The following MKS1 variants were observed in gnomAD, a reference collection of about 807,000 sequenced individuals.
The protein encoded by MKS1 is MKS transition zone complex subunit 1, also known as tectonic-like complex member MKS1.
Under a neutral mutation model 83.7 loss-of-function variants are expected in MKS1, and 70 were observed. The observed-to-expected ratio is 0.84, with a 90% CI of 0.69 to 1.02. The LOEUF (loss-of-function observed/expected upper bound fraction) is 1.02, where lower values mean the gene tolerates loss of function less well. Ranked by LOEUF, MKS1 falls within the 50% of genes least tolerant of loss-of-function variation. The probability of loss-of-function intolerance (pLI) is 0.00; values close to 1 mark genes in which losing one functional copy is unlikely to be tolerated. For synonymous variants in MKS1, 251 were observed against 273.4 expected (o/e 0.92, Z 0.81); for missense variants, 681 against 726.9 (o/e 0.94, Z 0.73).
chr17:58,214,534 T>G, intron 5 of MKS1, 147 bp from the exon 6 acceptor site: 1 of 1,366,466 alleles, frequency 7.3e-7, no homozygotes. Flanking sequence ...CAAACAGAAA[T>G]GACATCCCTT....
chr17:58,205,484 CAAACAAAA>C lies in MKS1; in HGVS notation c.*587_*594del. 1 of 1,253,238 alleles carries C rather than the reference CAAACAAAA, an allele frequency of 8.0e-7. No individual in the cohort carries two copies. The highest frequency in any genetic ancestry group is 1.0e-6 in the Non-Finnish European group (1 of 969,674). 77.6% of individuals were successfully genotyped at this position (1,253,238 alleles called of 1,614,324 possible). A position where few individuals can be genotyped will look rare whatever the true frequency, so the allele number is the denominator to read the frequency against. On this transcript the variant is annotated 3_prime_UTR_variant, in exon 18 of 18. Coordinates refer to ENST00000393119, the MANE Select transcript of MKS1 (RefSeq NM_017777.4). ...ATGTAACAAAAAACAAAAAAACAAA[CAAACAAAA>C]AAACACAGTAAAAGATACCACCCAG...
rs145415906 is a variant in MKS1, at chr17:58,209,124, T to C, written c.1025-541A>G. On this transcript the variant is annotated intron_variant, in intron 11 of 17. Coordinates refer to ENST00000393119, the MANE Select transcript of MKS1 (RefSeq NM_017777.4). The surrounding 1 kb of genome is among the most constrained non-coding windows in gnomAD (Gnocchi z 4.1). ...TTCTTTTCCCCACATTTCCCCCTTT[T>C]CTTTTTGACAAAACCGCCATCGTCA... 7.2e-3 allele frequency among the ~76,000 whole-genome samples: 1,101 copies of C among 152,278 alleles called. 10 individuals carry two copies. Among genetic ancestry groups the C allele is most frequent in the African/African-American group, 0.025 (1,055 of 41,530 alleles).
Position 58,206,000 on chromosome 17 carries a change from A to G in MKS1, c.*79T>C, listed in dbSNP as rs1968477001. 4.5e-6 allele frequency: 7 copies of G among 1,547,684 alleles called. No homozygotes were observed. The highest frequency in any genetic ancestry group is 3.6e-5 in the South Asian group (3 of 84,356). ...AGACCAACGTGGTCTCTAATCAGAA[A>G]GACGAAGAGGCAGGAGAGCACTGGC... is the stretch of plus-strand genomic sequence containing the variant. On this transcript the variant is annotated 3_prime_UTR_variant, in exon 18 of 18. Coordinates refer to ENST00000393119, the MANE Select transcript of MKS1 (RefSeq NM_017777.4).
rs777988877 is a variant in MKS1 at position 58,206,181 on chromosome 17, A to G, written c.1589-11T>C. 3.7e-6 allele frequency: 6 copies of G among 1,613,954 alleles called. No individual in the cohort carries two copies. The African/African-American group carries it at 8.0e-5, about 22-fold the overall frequency. ...CTCGACGGAAGGCCTCTGTAAGGAAAGGAGATATGCTATTTGGCTGCCATA... is the reference window on the plus strand; with the variant it reads ...CTCGACGGAAGGCCTCTGTAAGGAAGGGAGATATGCTATTTGGCTGCCATA... On this transcript the variant is annotated splice_polypyrimidine_tract_variant and intron_variant, in intron 17 of 17. Coordinates refer to ENST00000393119, the MANE Select transcript of MKS1 (RefSeq NM_017777.4).
At chr17:58,213,193 C>G in intron 7 of MKS1, 103 bp from the exon 8 acceptor site, 1 of 1,116,484 alleles carries the variant, frequency 9.0e-7, no homozygotes, top group Non-Finnish European at 1.4e-6. Flanking sequence ...ATACACCTCA[C>G]TAAAGTATAT....
At chr17:58,213,934 G>A in intron 6 of MKS1, 65 bp from the exon 7 acceptor site, 1 of 1,349,164 alleles carries the variant, frequency 7.4e-7, no homozygotes, top group Non-Finnish European at 1.1e-6. Context: ...AAGAGATACT[G>A]AGCCCACTGC....
At chr17:58,213,233 G>C in intron 7 of MKS1, 143 bp from the exon 8 acceptor site, 1 of 800,612 alleles carries the variant, frequency 1.2e-6, no homozygotes, top group South Asian at 1.4e-5. Context: ...TTGACGACCA[G>C]GAGAGAGAAA....
intron 1 of MKS1, chr17:58,218,944 C>T: frequency 1.1e-6 from 1 of 873,666 alleles, no homozygotes; most frequent in South Asian, 1.6e-5. Flanking sequence ...CTGGGAGCAA[C>T]AAAGACGTGA....
chr17:58,212,265 T>C, intron 9 of MKS1, 113 bp downstream of exon 9: 2 of 1,268,924 alleles, frequency 1.6e-6, no homozygotes, highest in South Asian at 2.4e-5. Context: ...GACTTCCTTT[T>C]CACACTGTAG....
rs775169308 is a variant in MKS1 at position 58,207,991 on chromosome 17, C to T, written c.1176G>A (p.Pro392=). The T allele has an allele frequency of 4.1e-5, 66 of 1,613,474 alleles. No homozygotes were observed. In the East Asian group the frequency reaches 5.6e-4, roughly 14 times the overall value. The change falls in exon 14 of 18, where the codon CCG becomes CCA. Residue 392 remains proline, a synonymous_variant. Coordinates refer to ENST00000393119, the MANE Select transcript of MKS1 (RefSeq NM_017777.4). ...LHEDESSDAL[P]EWPVLYCEVL... ...CCTCACAGTAGAGCACAGGCCACTC[C>T]GGGAGTGCATCTGGGAGCAAGGAGA... is the stretch of plus-strand genomic sequence containing the variant.
At chr17:58,217,163 A>G (rs1314439040) in intron 2 of MKS1, among the ~76,000 whole-genome samples, 1 of 152,156 alleles carries the variant, frequency 6.6e-6, no homozygotes, top group African/African-American at 2.4e-5. Flanking sequence ...TAATTTTTGT[A>G]TTATCAGTAG....
chr17:58,210,989 C>T lies in MKS1; in HGVS notation c.949G>A (p.Gly317Arg). ...VPGALRLFVN[G>R]EVVSAQGYEY... ...CTAGCAAGACACTTACCGACCTCTC[C>T]ATTTACAAAGAGCCGGAGGGCACCT... The change falls in exon 10 of 18, where the codon GGA becomes AGA. Residue 317 changes from glycine (G) to arginine (R), a missense_variant. Gly to Arg is a moderately radical substitution (Grantham distance 125). Around this residue, in one of 3 missense-constraint regions of MKS1, gnomAD observed 310 missense variants for 321.7 expected, o/e 0.96. Coordinates refer to ENST00000393119, the MANE Select transcript of MKS1 (RefSeq NM_017777.4). 6.2e-7 allele frequency: 1 copy of T among 1,614,086 alleles called. No individual in the cohort carries two copies. The highest frequency in any genetic ancestry group is 8.5e-7 in the Non-Finnish European group (1 of 1,179,978).
rs2143731499 is a variant in MKS1 at position 58,205,897 on chromosome 17, A to T, written c.*182T>A. 6.9e-7 allele frequency: 1 copy of T among 1,449,148 alleles called. No homozygotes were observed. Among genetic ancestry groups the T allele is most frequent in the East Asian group, 2.5e-5 (1 of 40,268 alleles). 89.8% of individuals were successfully genotyped at this position (1,449,148 alleles called of 1,614,324 possible). A position where few individuals can be genotyped will look rare whatever the true frequency, so the allele number is the denominator to read the frequency against. On this transcript the variant is annotated 3_prime_UTR_variant, in exon 18 of 18. Transcript: ENST00000393119. ...CCACAGGGTCTCTGGCTTTATTTCCACAGGGTAGGGAGAAGACCCTGCAGA... is the reference window on the plus strand; with the variant it reads ...CCACAGGGTCTCTGGCTTTATTTCCTCAGGGTAGGGAGAAGACCCTGCAGA...
chr17:58,214,836 G>C lies in MKS1; in HGVS notation c.420C>G (p.His140Gln). 1 of 1,601,400 alleles carries C rather than the reference G, an allele frequency of 6.2e-7. No homozygotes were observed. Among genetic ancestry groups the C allele is most frequent in the Non-Finnish European group, 8.5e-7 (1 of 1,178,842 alleles). ...DSDRYTNLEEHCQRMTTAASE... is the reference protein window; with the variant it reads ...DSDRYTNLEEQCQRMTTAASE... The stretch of plus-strand genomic sequence containing the variant: ...TGGCTGCAGTGGTCATTCTCTGACA[G>C]TGCTGGGAAAAGCAAGCAGCCCTGT... Residue 140 changes from histidine (H) to glutamine (Q), a missense_variant and splice_region_variant, in exon 5 of 18, where the codon CAC becomes CAG. Physicochemically the swap from His to Gln is conservative, Grantham distance 24. This residue lies in a region of MKS1 where 365 missense variants were observed against 383.8 expected (regional missense o/e 0.95). Transcript: ENST00000393119.
At chr17:58,208,444 TA>T in intron 12 of MKS1, 68 bp downstream of exon 12, 1 of 1,574,784 alleles carries the variant, frequency 6.4e-7, no homozygotes, top group South Asian at 1.1e-5. Context: ...CTTGGCCTGA[TA>T]AAACCTCAAA....
intron 10 of MKS1, 109 bp downstream of exon 10, chr17:58,210,871 T>A (rs1968832950): frequency 6.8e-7 from 1 of 1,480,888 alleles, no homozygotes; most frequent in Non-Finnish European, 9.4e-7. Context: ...CACCACTGAG[T>A]TTCCCAAGTA....
Position 58,209,073 on chromosome 17 carries a change from A to G in MKS1, c.1025-490T>C, listed in dbSNP as rs910681437. On this transcript the variant is annotated intron_variant, in intron 11 of 17. Transcript: ENST00000393119. This position sits in a 1 kb window ranked among gnomAD's most constrained non-coding sequence, Gnocchi z 4.1. Reference sequence around the variant, plus strand: ...CTCCTATGTCTACTTCTTTCTACACAGACACAGTAACAATCTGATCTCTCT... The same window carrying G: ...CTCCTATGTCTACTTCTTTCTACACGGACACAGTAACAATCTGATCTCTCT... Among the ~76,000 whole-genome samples, 1 of 152,114 alleles carries G rather than the reference A, an allele frequency of 6.6e-6. No homozygotes were observed. Among genetic ancestry groups the G allele is most frequent in the African/African-American group, 2.4e-5 (1 of 41,398 alleles).
rs750251226 is a variant in MKS1, at chr17:58,213,739, C to T, written c.749+26G>A. ...AACCAAGGGAAGGAATGCCAGTCTC[C>T]ACTACCCCTTTCTTCCTCTCCTCAC... On this transcript the variant is annotated intron_variant, in intron 7 of 17. Transcript: ENST00000393119. 2.6e-6 allele frequency: 4 copies of T among 1,553,892 alleles called. No homozygotes were observed. In the Admixed American group the frequency reaches 5.0e-5, roughly 19 times the overall value.
chr17:58,213,227 C>T (rs775861889), intron 7 of MKS1, 137 bp from the exon 8 acceptor site: 16 of 826,406 alleles, frequency 1.9e-5, no homozygotes, highest in East Asian at 8.0e-5. Context: ...GCTGTATTGA[C>T]GACCAGGAGA....
Sources: allele counts gnomAD v4.1 joint callset (sites outside exome capture counted in the v4.1 genomes callset), GRCh38; gene constraint gnomAD v4.1.1; regional missense constraint gnomAD v4.1.1; non-coding constraint Gnocchi (gnomAD v3.1); transcripts MANE v1.5; gene names NCBI Gene and HGNC (gene_info 2026-07-23, HGNC 2026-07-21).